Variants in NRXN3 observed in about 807,000 individuals in gnomAD.
NRXN3 encodes neurexin 3.
In NRXN3, 32 loss-of-function variants were observed where a neutral mutation model predicts 137.6. The observed-to-expected ratio is 0.23, with a 90% CI of 0.18 to 0.31. The LOEUF is 0.31. NRXN3 is among the 10% of genes least tolerant of loss of function. The pLI is 1.00. For missense variants in NRXN3, 1,574 were observed against 2,062.5 expected (o/e 0.76, Z 4.59); for synonymous variants, 798 against 784.5 (o/e 1.02, Z -0.29).
intron 15 of NRXN3, among the ~76,000 whole-genome samples, chr14:79,020,048 C>G (rs1016788920): frequency 6.6e-6 from 1 of 151,882 alleles, no homozygotes; most frequent in Non-Finnish European, 1.5e-5. Context: ...GAAGTGATAC[C>G]ACCACATGCA....
chr14:79,284,343 C>CATACATAT (rs1177586135), intron 15 of NRXN3, among the ~76,000 whole-genome samples: 17 of 65,100 alleles, frequency 2.6e-4, no homozygotes, highest in African/African-American at 8.3e-4. Context: ...ACTAAAAATA[C>CATACATAT]ATATATATAT....
chr14:78,913,954 A>T (rs1270003864), intron 10 of NRXN3, among the ~76,000 whole-genome samples: 1 of 151,890 alleles, frequency 6.6e-6, no homozygotes, highest in Non-Finnish European at 1.5e-5. Context: ...AGCCCTAAAG[A>T]CTCTGCCTGG....
intron 4 of NRXN3, among the ~76,000 whole-genome samples, chr14:78,397,341 A>G (rs1598221387): frequency 1.4e-5 from 2 of 145,382 alleles, no homozygotes; most frequent in South Asian, 2.3e-4. Context: ...CTGTGGCTCC[A>G]TTCACCTTCT....
intron 15 of NRXN3, among the ~76,000 whole-genome samples, chr14:79,357,383 C>G (rs539444299): frequency 1.3e-5 from 2 of 152,052 alleles, no homozygotes; most frequent in African/African-American, 4.8e-5. Context: ...CAAAGCAAAG[C>G]AAACCAACAT....
chr14:78,643,804 C>T (rs918580645), intron 4 of NRXN3, among the ~76,000 whole-genome samples: 7 of 152,172 alleles, frequency 4.6e-5, no homozygotes, highest in Middle Eastern at 3.2e-3. Context: ...TAGTCTCCCA[C>T]GGCTACTCCT....
intron 4 of NRXN3, among the ~76,000 whole-genome samples, chr14:78,589,969 C>CA (rs531975741): frequency 1.3e-5 from 2 of 152,158 alleles, no homozygotes; most frequent in African/African-American, 4.8e-5. Flanking sequence ...AACAAACAAA[C>CA]AAAAAAACAA....
intron 16 of NRXN3, among the ~76,000 whole-genome samples, chr14:79,493,866 A>G (rs2096740820): frequency 6.6e-6 from 1 of 152,196 alleles, no homozygotes; most frequent in African/African-American, 2.4e-5. Flanking sequence ...TATTAACTTT[A>G]CAAAGGTTCT....
At chr14:79,062,445 A>G (rs1243848737) in intron 15 of NRXN3, among the ~76,000 whole-genome samples, 1 of 152,204 alleles carries the variant, frequency 6.6e-6, no homozygotes, top group East Asian at 1.9e-4. Flanking sequence ...GCACAATGGC[A>G]AAGTTTCCAG....
chr14:78,545,904 C>T (rs1317559188), intron 4 of NRXN3, among the ~76,000 whole-genome samples: 1 of 152,152 alleles, frequency 6.6e-6, no homozygotes, highest in Non-Finnish European at 1.5e-5. Context: ...AAAGGCAGTG[C>T]TCTAATTCAC....
At chr14:79,287,674 C>T (rs2082502757) in intron 15 of NRXN3, among the ~76,000 whole-genome samples, 1 of 152,098 alleles carries the variant, frequency 6.6e-6, no homozygotes, top group African/African-American at 2.4e-5. Flanking sequence ...CTTTGTGAAG[C>T]CTGAATTTGA....
At chr14:79,362,694 C>T (rs1198272050) in intron 15 of NRXN3, among the ~76,000 whole-genome samples, 1 of 152,214 alleles carries the variant, frequency 6.6e-6, no homozygotes, top group African/African-American at 2.4e-5. Flanking sequence ...GCCAAGAAAT[C>T]AGACCTAGGC....
intron 15 of NRXN3, among the ~76,000 whole-genome samples, chr14:79,173,530 CAAAAAAA>C (rs57188919): frequency 3.3e-5 from 3 of 90,988 alleles, no homozygotes; most frequent in African/African-American, 8.8e-5. Flanking sequence ...GACCTTGTCT[CAAAAAAA>C]AAAAAAAAAA....
intron 16 of NRXN3, among the ~76,000 whole-genome samples, chr14:79,596,918 C>T (rs993281409): frequency 6.6e-6 from 1 of 152,052 alleles, no homozygotes; most frequent in African/African-American, 2.4e-5. Flanking sequence ...TGTCAATCCC[C>T]AAGTTTTAAA....
intron 10 of NRXN3, among the ~76,000 whole-genome samples, chr14:78,849,964 G>A (rs1473294979): frequency 1.3e-5 from 2 of 152,160 alleles, no homozygotes; most frequent in African/African-American, 2.4e-5. Context: ...CTGTGCCAGA[G>A]CACTGTATTC....
chr14:78,750,136 C>T (rs1421784506), intron 8 of NRXN3, among the ~76,000 whole-genome samples: 1 of 152,188 alleles, frequency 6.6e-6, no homozygotes, highest in Non-Finnish European at 1.5e-5. Flanking sequence ...GGATAAAGCC[C>T]ACCACTGCAA....
chr14:79,694,552 A>G (rs1330759284), intron 18 of NRXN3, among the ~76,000 whole-genome samples: 2 of 151,974 alleles, frequency 1.3e-5, no homozygotes, highest in Non-Finnish European at 2.9e-5. Flanking sequence ...TGTACATATA[A>G]TGGTCAGTTA....
intron 4 of NRXN3, among the ~76,000 whole-genome samples, chr14:78,595,588 C>G (rs2097151946): frequency 6.6e-6 from 1 of 152,144 alleles, no homozygotes; most frequent in African/African-American, 2.4e-5. Context: ...GGCTATATAT[C>G]TGAATGTTTT....
chr14:78,867,373 C>CT (rs980999197), intron 10 of NRXN3, among the ~76,000 whole-genome samples: 3 of 152,072 alleles, frequency 2.0e-5, no homozygotes, highest in Non-Finnish European at 2.9e-5. Flanking sequence ...TGAATTCTTT[C>CT]TTTTTAAAAA....
intron 8 of NRXN3, among the ~76,000 whole-genome samples, chr14:78,737,618 A>T (rs1244352806): frequency 6.6e-6 from 1 of 152,104 alleles, no homozygotes; most frequent in Non-Finnish European, 1.5e-5. Context: ...GGAAATGGCA[A>T]AAAAGGGGGG....
Sources: allele counts gnomAD v4.1 joint callset (sites outside exome capture counted in the v4.1 genomes callset), GRCh38; gene constraint gnomAD v4.1.1; transcripts MANE v1.5; gene names NCBI Gene and HGNC (gene_info 2026-07-23, HGNC 2026-07-21).